PHF14: variants seen among roughly 807,000 people sequenced by gnomAD.
PHF14 encodes the protein PHD finger protein 14.
PHF14 carries 55 observed loss-of-function variants against 117.9 expected under a neutral mutation model. The observed-to-expected ratio is 0.47, with a 90% confidence interval of 0.38 to 0.58. PHF14 has a LOEUF of 0.58. Among genes scored for constraint, PHF14 ranks in the 20% least tolerant of loss-of-function variants. The pLI is 0.00. For missense variants in PHF14, 978 were observed against 1,122.2 expected (o/e 0.87, Z 1.84); for synonymous variants, 409 against 368.6 (o/e 1.11, Z -1.26).
chr7:11,018,185 C>T (rs1783596578), intron 5 of PHF14, among the ~76,000 whole-genome samples: 3 of 151,974 alleles, frequency 2.0e-5, no homozygotes, highest in Admixed American at 6.6e-5. Flanking sequence ...AATTTGAAGT[C>T]AGGTAGTATG....
At chr7:11,110,082 A>G (rs1319027555) in intron 16 of PHF14, 2 of 151,900 alleles carry the variant, frequency 1.3e-5, no homozygotes, top group African/African-American at 2.4e-5. Context: ...GTATCATAAT[A>G]TGAAATTTCT....
At chr7:11,083,575 C>T (rs1018568811) in intron 16 of PHF14, among the ~76,000 whole-genome samples, 4 of 150,750 alleles carry the variant, frequency 2.7e-5, no homozygotes, top group Non-Finnish European at 5.9e-5. Context: ...GTTCTCCTGC[C>T]TCAGCCTCCC....
intron 17 of PHF14, among the ~76,000 whole-genome samples, chr7:11,135,652 C>T (rs138708394): frequency 1.1e-3 from 160 of 152,180 alleles, no homozygotes; most frequent in African/African-American, 3.7e-3. Flanking sequence ...CAATTTCCTG[C>T]ACTGGCAATG....
chr7:11,020,687 C>CTTT (rs111452639), intron 5 of PHF14, among the ~76,000 whole-genome samples: 3 of 151,378 alleles, frequency 2.0e-5, no homozygotes, highest in Non-Finnish European at 3.0e-5. Flanking sequence ...CCACTTCTTT[C>CTTT]TTTTTTTTTC....
intron 17 of PHF14, among the ~76,000 whole-genome samples, chr7:11,122,333 A>T (rs371735614): frequency 0.046 from 3,820 of 83,100 alleles, 99 homozygotes; most frequent in Middle Eastern, 0.095. Flanking sequence ...TGTACTTTTT[A>T]TATATATATA....
At chr7:11,111,143 C>A in intron 16 of PHF14, 1 of 431,676 alleles carries the variant, frequency 2.3e-6, no homozygotes. Flanking sequence ...GATTTTATTG[C>A]TGTTGTATTT....
chr7:11,149,009 GT>G (rs796880354), intron 17 of PHF14, among the ~76,000 whole-genome samples: 14 of 148,100 alleles, frequency 9.5e-5, no homozygotes, highest in East Asian at 5.9e-4. Context: ...TTGAAATAGG[GT>G]TTTTTTTTTG....
chr7:11,063,411 A>G (rs1471901420), intron 16 of PHF14: 1 of 975,454 alleles, frequency 1.0e-6, no homozygotes, highest in African/African-American at 1.8e-5. Context: ...AAATGAAACA[A>G]TAAAAATAAA....
chr7:11,161,677 AATATT>A (rs2128357057), intron 17 of PHF14, among the ~76,000 whole-genome samples: 1 of 129,198 alleles, frequency 7.7e-6, no homozygotes, highest in African/African-American at 2.8e-5. Flanking sequence ...TCTAAATAAA[AATATT>A]ATATTTTATT....
intron 4 of PHF14, among the ~76,000 whole-genome samples, chr7:10,996,974 G>C (rs73063416): frequency 2.6e-4 from 39 of 152,282 alleles, no homozygotes; most frequent in African/African-American, 9.1e-4. Context: ...TATCACCAAT[G>C]GGTGGCCAAA....
chr7:11,037,413 A>G (rs1403640872), intron 10 of PHF14, among the ~76,000 whole-genome samples: 2 of 152,204 alleles, frequency 1.3e-5, no homozygotes, highest in African/African-American at 4.8e-5. Context: ...CCAGGTTCAC[A>G]CAAGTAGTCA....
chr7:10,998,300 A>T (rs1782735911), intron 4 of PHF14, among the ~76,000 whole-genome samples: 1 of 152,178 alleles, frequency 6.6e-6, no homozygotes, highest in Non-Finnish European at 1.5e-5. Flanking sequence ...TCTCAGTGAA[A>T]TAGGAAGCAA....
intron 6 of PHF14, among the ~76,000 whole-genome samples, chr7:11,024,778 C>G (rs1194203332): frequency 1.3e-5 from 2 of 152,160 alleles, no homozygotes; most frequent in African/African-American, 2.4e-5. Context: ...GGTGGTCACC[C>G]AAGAGCTCTG....
chr7:11,076,924 A>G (rs1184627696), intron 16 of PHF14, among the ~76,000 whole-genome samples: 1 of 151,162 alleles, frequency 6.6e-6, no homozygotes, highest in East Asian at 1.9e-4. Flanking sequence ...GATAATTCTA[A>G]GATATGTTAG....
intron 14 of PHF14, among the ~76,000 whole-genome samples, chr7:11,055,581 A>G (rs1351409173): frequency 2.0e-5 from 3 of 152,148 alleles, no homozygotes; most frequent in Non-Finnish European, 4.4e-5. Context: ...GTTTTTCAGG[A>G]TGCATTATTT....
At chr7:11,165,073 C>T (rs142048919) in intron 17 of PHF14, among the ~76,000 whole-genome samples, 10,099 of 152,148 alleles carry the variant, frequency 0.066, 359 homozygotes, top group Non-Finnish European at 0.082. Context: ...TATAGGCGCC[C>T]GCCACCACAC....
intron 4 of PHF14, among the ~76,000 whole-genome samples, chr7:11,000,619 G>A (rs1782831726): frequency 6.6e-6 from 1 of 152,106 alleles, no homozygotes; most frequent in Non-Finnish European, 1.5e-5. Context: ...GATTACAGGC[G>A]TGAGCCACCA....
Position 11,169,453 on chromosome 7 carries a change from A to T in PHF14, c.2810A>T (p.Gln937Leu). The part of the protein sequence containing the change: ...ENEAERKNIS[Q>L]ELNMEQKNPK... ...GAAGCTGAAAGAAAAAATATATCTC[A>T]GGAGCTCAACATGGAACAGAAAAAT... Residue 937 changes from glutamine (Q) to leucine (L), a missense_variant, in exon 18 of 18, where the codon CAG becomes CTG. By Grantham distance (113) the Gln-to-Leu change is moderately radical. This residue lies in a region of PHF14 where 180 missense variants were observed against 195.4 expected (regional missense o/e 0.92). Coordinates refer to ENST00000634607, the MANE Select transcript of PHF14 (RefSeq NM_001007157.2). The T allele has an allele frequency of 7.2e-6, 11 of 1,521,536 alleles. No homozygotes were observed. Among genetic ancestry groups the T allele is most frequent in the Non-Finnish European group, 9.8e-6 (11 of 1,123,038 alleles). The allele number at this position is 1,521,536 out of a possible 1,614,324, so 94.3% of individuals were successfully genotyped here.
intron 16 of PHF14, among the ~76,000 whole-genome samples, chr7:11,079,106 G>A (rs1026606838): frequency 2.0e-5 from 3 of 152,056 alleles, no homozygotes; most frequent in African/African-American, 7.2e-5. Flanking sequence ...TTTTGAATGA[G>A]CTCTAACTAT....
Sources: gnomAD v4.1 joint callset for allele counts (sites outside exome capture counted in the v4.1 genomes callset) on GRCh38, gnomAD v4.1.1 for gene constraint, gnomAD v4.1.1 regional missense constraint, MANE v1.5 for transcripts, NCBI Gene and HGNC (gene_info 2026-07-23, HGNC 2026-07-21) for gene names.